Variants in ERN2 observed in about 807,000 individuals in gnomAD.
ERN2 encodes the protein endoplasmic reticulum to nucleus signaling 2.
ERN2 carries 111 observed loss-of-function variants against 107.9 expected under a neutral mutation model. The observed-to-expected ratio is 1.03, with a 90% CI of 0.88 to 1.20. The LOEUF (loss-of-function observed/expected upper bound fraction) is 1.20. Ranked by LOEUF, ERN2 falls within the 50% of genes most tolerant of loss-of-function variation. ERN2 has a pLI of 0.00. For synonymous variants in ERN2, 524 were observed against 501.7 expected, an observed-to-expected ratio of 1.04 and a Z score of -0.59; for missense variants, 1,225 against 1,197.9, an observed-to-expected ratio of 1.02 and a Z score of -0.33.
chr16:23,694,671 C>T (rs912693192), intron 17 of ERN2, 57 bp downstream of exon 17: 30 of 1,446,488 alleles, frequency 2.1e-5, no homozygotes, highest in South Asian at 3.9e-5. Flanking sequence ...GGGACAGGGA[C>T]GGATTCCTGC....
chr16:23,704,772 C>G lies in ERN2; in HGVS notation c.854+111G>C, dbSNP rs1045462176. On this transcript the variant is annotated intron_variant, in intron 8 of 21. Transcript: ENST00000256797. The stretch of plus-strand genomic sequence containing the variant: ...TAACCAATTTGAAATGTTTTGACCC[C>G]TGGTTCAGCGGTACTGGTGTGTCAC... The G allele has an allele frequency of 9.0e-6, 11 of 1,217,410 alleles. No individual in the cohort carries two copies. In the Admixed American group the frequency reaches 1.5e-4, roughly 17 times the overall value. The allele number at this position is 1,217,410 out of a possible 1,614,324, so 75.4% of individuals were successfully genotyped here. A position where few individuals can be genotyped will look rare whatever the true frequency, so the allele number is the denominator to read the frequency against.
chr16:23,711,027 G>A lies in ERN2; in HGVS notation c.94-9C>T, dbSNP rs1200962955. 1.2e-6 allele frequency: 2 copies of A among 1,603,070 alleles called. No individual in the cohort carries two copies. Among genetic ancestry groups the A allele is most frequent in the Non-Finnish European group, 1.7e-6 (2 of 1,170,150 alleles). The stretch of plus-strand genomic sequence containing the variant: ...GGCCTGAGAGTATGAACCTGCAAGG[G>A]GGTAGAGACAAAGTCAGCTCTCTGA... On this transcript the variant is annotated splice_polypyrimidine_tract_variant and intron_variant, in intron 1 of 21. Coordinates refer to ENST00000256797, the MANE Select transcript of ERN2 (RefSeq NM_033266.4).
chr16:23,708,214 G>C (rs1960400602), intron 4 of ERN2, among the ~76,000 whole-genome samples: 1 of 152,104 alleles, frequency 6.6e-6, no homozygotes, highest in Non-Finnish European at 1.5e-5. Flanking sequence ...CAAACCAAAG[G>C]ATACTGCATG....
chr16:23,694,426 C>T (rs2141005701), intron 17 of ERN2, among the ~76,000 whole-genome samples: 1 of 152,306 alleles, frequency 6.6e-6, no homozygotes, highest in Admixed American at 6.5e-5. Flanking sequence ...TGGGTGTTGT[C>T]CTGTCCTGTA....
At chr16:23,695,735 A>C (rs975832054) in intron 14 of ERN2, among the ~76,000 whole-genome samples, 159 bp downstream of exon 14, 56 of 151,310 alleles carry the variant, frequency 3.7e-4, no homozygotes, top group African/African-American at 1.2e-3. Flanking sequence ...AAAAAAAAAA[A>C]AAAAAAAAAA....
At chr16:23,704,651 G>A (rs1438301671) in intron 8 of ERN2, among the ~76,000 whole-genome samples, 1 of 152,146 alleles carries the variant, frequency 6.6e-6, no homozygotes, top group African/African-American at 2.4e-5. Context: ...AGATCTTACC[G>A]TATGAGTTGC....
chr16:23,708,298 G>A (rs1035419414), intron 4 of ERN2, among the ~76,000 whole-genome samples: 2 of 151,478 alleles, frequency 1.3e-5, no homozygotes, highest in Non-Finnish European at 1.5e-5. Flanking sequence ...GTAGGGCCTG[G>A]TGGGAGGTGA....
At chr16:23,698,413 G>C (rs1345653938) in intron 13 of ERN2, among the ~76,000 whole-genome samples, 1 of 152,178 alleles carries the variant, frequency 6.6e-6, no homozygotes, top group Non-Finnish European at 1.5e-5. Flanking sequence ...TCAGAACACT[G>C]CCTGGTATAG....
At position 23,695,037 on chromosome 16, in the gene ERN2, G is replaced by C. The variant is rs1387627317; in HGVS notation, c.1882C>G (p.Leu628Val). Residue 628 changes from leucine (L) to valine (V), a missense_variant, in exon 16 of 22, where the codon CTG becomes GTG. Leu to Val is a conservative substitution (Grantham distance 32). Coordinates refer to ENST00000256797, the MANE Select transcript of ERN2 (RefSeq NM_033266.4). ...LQQLMSGLAH[L>V]HSLHIVHRDL... ...CGGGTACCTATGTGTAAAGAGTGCA[G>C]GTGGGCCAGGCCAGACATCAGCTGC... 1.2e-6 allele frequency: 2 copies of C among 1,613,640 alleles called. No individual in the cohort carries two copies. The highest frequency in any genetic ancestry group is 1.7e-5 in the Admixed American group (1 of 59,912).
At chr16:23,711,497 C>T (rs4968026) in intron 1 of ERN2, among the ~76,000 whole-genome samples, 14,501 of 152,162 alleles carry the variant, frequency 0.095, 827 homozygotes, top group South Asian at 0.19. Flanking sequence ...GTTGGGACTA[C>T]GGGTGTCTGT....
chr16:23,692,911 G>A (rs988369050), intron 17 of ERN2, among the ~76,000 whole-genome samples: 3 of 151,742 alleles, frequency 2.0e-5, no homozygotes, highest in Admixed American at 6.6e-5. Context: ...GTAGAGATGG[G>A]TCTTCTTATG....
At position 23,690,853 on chromosome 16, in the gene ERN2, C is replaced by T. The variant is rs961572303; in HGVS notation, c.2759G>A (p.Cys920Tyr). 8 of 1,612,610 alleles carry T rather than the reference C, an allele frequency of 5.0e-6. No homozygotes were observed. The African/African-American group carries it at 1.1e-4, about 22-fold the overall frequency. ...YPPDSEARRP[C>Y]PGATGR ...ACCTCACCTCCCTGTGGCCCCAGGG[C>T]ATGGCCTCCTGGCCTCTGAGTCTGG... The change falls in exon 22 of 22, where the codon TGC (cysteine) becomes TAC (tyrosine). Residue 920 changes from cysteine (C) to tyrosine (Y), a missense_variant. Cys to Tyr is a radical substitution (Grantham distance 194). Transcript: ENST00000256797.
intron 11 of ERN2, 44 bp from the exon 12 acceptor site, chr16:23,701,158 G>A (rs1300349541): frequency 6.3e-7 from 1 of 1,587,884 alleles, no homozygotes. Context: ...CCTTCCACCA[G>A]GGAACCCCTA....
intron 3 of ERN2, 31 bp downstream of exon 3, chr16:23,710,485 C>G: frequency 7.4e-6 from 12 of 1,612,536 alleles, no homozygotes; most frequent in Non-Finnish European, 1.0e-5. Flanking sequence ...TCCCAGAAGC[C>G]TCCTCCTTAA....
intron 8 of ERN2, among the ~76,000 whole-genome samples, chr16:23,704,057 A>G (rs1350273711): frequency 6.6e-6 from 1 of 152,212 alleles, no homozygotes; most frequent in Non-Finnish European, 1.5e-5. Flanking sequence ...GTAAGTGCTC[A>G]ATTAATATTT....
At position 23,704,897 on chromosome 16, in the gene ERN2, C is replaced by G. The variant is rs964071459; in HGVS notation, c.840G>C (p.Leu280Phe). Residue 280 changes from leucine (L) to phenylalanine (F), a missense_variant, in exon 8 of 22, where the codon TTG (leucine) becomes TTC (phenylalanine). By Grantham distance (22) the Leu-to-Phe change is conservative. Transcript: ENST00000256797. Reference sequence around the variant, plus strand: ...CGAACACCTACAGCAGCTGGGTGTCCAAGGTAGAGAAGAGGGTGGCTGTGT... The same window carrying G: ...CGAACACCTACAGCAGCTGGGTGTCGAAGGTAGAGAAGAGGGTGGCTGTGT... ...PRDTATLFST[L>F]DTQLLMTLYV... The G allele has an allele frequency of 6.2e-7, 1 of 1,610,558 alleles. No individual in the cohort carries two copies. Among genetic ancestry groups the G allele is most frequent in the East Asian group, 2.2e-5 (1 of 44,856 alleles).
rs777239817 is a variant in ERN2 at position 23,695,006 on chromosome 16, G to C, written c.1900+13C>G. 1.8e-5 allele frequency: 29 copies of C among 1,612,920 alleles called. No homozygotes were observed. Among genetic ancestry groups the C allele is most frequent in the Middle Eastern group, 1.6e-4 (1 of 6,084 alleles). On this transcript the variant is annotated intron_variant, in intron 16 of 21. Transcript: ENST00000256797. Reference sequence around the variant, plus strand: ...TAAGGACAGGGAGCGGGAGGCAGGGGAAGTGCGGGTACCTATGTGTAAAGA... The same window carrying C: ...TAAGGACAGGGAGCGGGAGGCAGGGCAAGTGCGGGTACCTATGTGTAAAGA...
At chr16:23,696,105 A>T in intron 13 of ERN2, 127 bp from the exon 14 acceptor site, 1 of 690,750 alleles carries the variant, frequency 1.4e-6, no homozygotes, top group Non-Finnish European at 2.6e-6. Context: ...TGCAGTGGGT[A>T]AGAGCAAGGG....
At chr16:23,702,065 T>G in intron 11 of ERN2, 87 bp downstream of exon 11, 1 of 1,417,300 alleles carries the variant, frequency 7.1e-7, no homozygotes, top group South Asian at 1.3e-5. Context: ...AGTGTTATTC[T>G]TAGCAGCCCG....
Sources: gnomAD v4.1 joint callset for allele counts (sites outside exome capture counted in the v4.1 genomes callset) on GRCh38, gnomAD v4.1.1 for gene constraint, MANE v1.5 for transcripts, NCBI Gene and HGNC (gene_info 2026-07-23, HGNC 2026-07-21) for gene names.